The following CAMTA2 variants were observed in gnomAD, a reference collection of about 807,000 sequenced individuals.
CAMTA2 encodes calmodulin-binding transcription activator 2.
CAMTA2 carries 56 observed loss-of-function variants against 135.7 expected under a neutral mutation model. That is an observed-to-expected ratio of 0.41 (90% CI 0.33 to 0.52). The LOEUF (loss-of-function observed/expected upper bound fraction) is 0.52, where lower values mean the gene tolerates loss of function less well. Ranked by LOEUF, CAMTA2 falls within the 20% of genes least tolerant of loss-of-function variation. The pLI, the probability that CAMTA2 is intolerant of heterozygous loss-of-function variation, is 0.16. For missense variants in CAMTA2, 1,358 were observed against 1,553.4 expected (o/e 0.87, Z 2.11); for synonymous variants, 591 against 604.6 (o/e 0.98, Z 0.33).
chr17:4,973,499 G>T, intron 13 of CAMTA2, 86 bp downstream of exon 13: 1 of 1,376,970 alleles, frequency 7.3e-7, no homozygotes, highest in Non-Finnish European at 9.9e-7. Flanking sequence ...CTCTTGGTAG[G>T]GCCCCAGGTC....
chr17:4,979,508 CAAAAAAAA>C (rs5819002), intron 9 of CAMTA2, 168 bp downstream of exon 9: 2 of 203,520 alleles, frequency 9.8e-6, no homozygotes, highest in East Asian at 7.8e-5. Context: ...GAAACTGTCT[CAAAAAAAA>C]AAAAAAAAAA....
chr17:4,987,647 C>CCCA lies in CAMTA2; in HGVS notation c.-120_-119insTGG. 6.6e-7 allele frequency: 1 copy of CCCA among 1,521,464 alleles called. No homozygotes were observed. The highest frequency in any genetic ancestry group is 2.0e-5 in the Admixed American group (1 of 49,690). 94.2% of individuals were successfully genotyped at this position (1,521,464 alleles called of 1,614,324 possible). On this transcript the variant is annotated 5_prime_UTR_variant, in exon 1 of 23. Transcript: ENST00000348066. ...GCGGCCATTCTACCCCACACCGACCCCCCCCAGCGCCGGCTGACAGCGGCG... is the reference window on the plus strand; with the variant it reads ...GCGGCCATTCTACCCCACACCGACCCCCACCCCCAGCGCCGGCTGACAGCGGCG...
In CAMTA2 at chr17:4,972,228, G is replaced by A; in HGVS notation, c.2808+4C>T. 6.2e-7 allele frequency: 1 copy of A among 1,611,890 alleles called. No homozygotes were observed. Among genetic ancestry groups the A allele is most frequent in the Non-Finnish European group, 8.5e-7 (1 of 1,178,486 alleles). On this transcript the variant is annotated splice_donor_region_variant and intron_variant, in intron 16 of 22. Transcript: ENST00000348066. ...CCCCATAACTCCATCAATATAAGCA[G>A]TACCGGGATCACATCCACAGCCTGT...
At position 4,969,944 on chromosome 17, in the gene CAMTA2, A is replaced by G; in HGVS notation, c.3147T>C (p.Tyr1049=). The G allele has an allele frequency of 6.2e-7, 1 of 1,614,194 alleles. No homozygotes were observed. Among genetic ancestry groups the G allele is most frequent in the Non-Finnish European group, 8.5e-7 (1 of 1,180,034 alleles). Residue 1049 remains tyrosine (Y), a synonymous_variant, in exon 18 of 23, where the codon TAT becomes TAC. Transcript: ENST00000348066. This position sits in a 1 kb window ranked among gnomAD's most constrained non-coding sequence, Gnocchi z 5.6. ...CCGTCTGGATGACTCGGGCAGCCTCATACAGTTCCCGCTGCTCGTGATCTG... is the reference window on the plus strand; with the variant it reads ...CCGTCTGGATGACTCGGGCAGCCTCGTACAGTTCCCGCTGCTCGTGATCTG... The part of the protein sequence containing the change: ...TLSDHEQREL[Y]EAARVIQTAF...
intron 1 of CAMTA2, chr17:4,986,610 G>A (rs1973329791): frequency 1.9e-6 from 1 of 514,762 alleles, no homozygotes; most frequent in African/African-American, 2.0e-5. Flanking sequence ...GTTGGGTCAG[G>A]TCCTGGGGGT....
chr17:4,981,554 C>G, intron 7 of CAMTA2, 124 bp downstream of exon 7: 1 of 1,318,880 alleles, frequency 7.6e-7, no homozygotes, highest in African/African-American at 1.5e-5. Flanking sequence ...ACCGGGAATC[C>G]TAGCACCCTC....
At position 4,972,482 on chromosome 17, in the gene CAMTA2, G is replaced by A. The variant is rs1972355596; in HGVS notation, c.2558C>T (p.Thr853Met). ...ATCTGGGGCACTAGAATAGGCTGAC[G>A]TGACGGAAAAGGTGCCATCCGACAG... is the stretch of plus-strand genomic sequence containing the variant. ...SELSDGTFSVTSAYSSAPDGS... is the reference protein window; with the variant it reads ...SELSDGTFSVMSAYSSAPDGS... The change falls in exon 16 of 23, where the codon ACG (threonine) becomes ATG (methionine). Residue 853 changes from threonine (T) to methionine (M), a missense_variant. Thr to Met is a moderately conservative substitution (Grantham distance 81). This residue lies in a region of CAMTA2 where 1,077 missense variants were observed against 1,127.5 expected (regional missense o/e 0.96). Transcript: ENST00000348066. 1.6e-5 allele frequency: 26 copies of A among 1,612,304 alleles called. No individual in the cohort carries two copies. Among genetic ancestry groups the A allele is most frequent in the East Asian group, 2.2e-5 (1 of 44,808 alleles).
intron 12 of CAMTA2, chr17:4,974,112 C>A: frequency 1.9e-6 from 1 of 536,912 alleles, no homozygotes; most frequent in Middle Eastern, 4.9e-4. Context: ...GATCTGAGCC[C>A]CAGTGCTCCT....
intron 3 of CAMTA2, among the ~76,000 whole-genome samples, chr17:4,984,943 G>A (rs897093217): frequency 2.0e-5 from 3 of 152,222 alleles, no homozygotes; most frequent in African/African-American, 7.2e-5. Flanking sequence ...CGTAAACCTG[G>A]GAGGCAGAGC....
At chr17:4,976,160 C>T (rs180867782) in intron 11 of CAMTA2, among the ~76,000 whole-genome samples, 20 of 152,198 alleles carry the variant, frequency 1.3e-4, no homozygotes, top group African/African-American at 4.6e-4. Context: ...CACCCACCAC[C>T]ACGCCTGGCT....
intron 2 of CAMTA2, 22 bp from the exon 3 acceptor site, chr17:4,986,005 G>A (rs1973254358): frequency 3.9e-6 from 6 of 1,545,930 alleles, no homozygotes; most frequent in Non-Finnish European, 5.4e-6. Flanking sequence ...TAGAAGGGAG[G>A]GTTTAGTGTG....
Position 4,973,706 on chromosome 17 carries a change from G to A in CAMTA2, c.2080C>T (p.Arg694Cys), listed in dbSNP as rs200231791. Residue 694 changes from arginine (R) to cysteine (C), a missense_variant, in exon 13 of 23, where the codon CGC (arginine) becomes TGC (cysteine). Around this residue, in one of 4 missense-constraint regions of CAMTA2, gnomAD observed 1,077 missense variants for 1,127.5 expected, o/e 0.96. Transcript: ENST00000348066. Reference protein sequence around the residue: ...VVVLVESMIPRSTWKGPERLA... With the variant: ...VVVLVESMIPCSTWKGPERLA... ...CGTTCAGGACCCTTCCAGGTGGAGC[G>A]TGGGATCATGCTTTCTACCAAGACC... 14 of 1,614,052 alleles carry A rather than the reference G, an allele frequency of 8.7e-6. No individual in the cohort carries two copies. Among genetic ancestry groups the A allele is most frequent in the East Asian group, 4.5e-5 (2 of 44,888 alleles).
In CAMTA2 at chr17:4,986,865, G is replaced by T. The variant is rs1192993153; in HGVS notation, c.-64-579C>A. ...CAGACACCCAGATTCCCACCCTCAG[G>T]ACAACCCACCCTCCGGCTGACAGCC... On this transcript the variant is annotated intron_variant, in intron 1 of 22. Coordinates refer to ENST00000348066, the MANE Select transcript of CAMTA2 (RefSeq NM_015099.4). 6.3e-6 allele frequency: 7 copies of T among 1,103,890 alleles called. No individual in the cohort carries two copies. The Admixed American group carries it at 1.0e-4, about 16-fold the overall frequency. The allele number at this position is 1,103,890 out of a possible 1,614,324, so 68.4% of individuals were successfully genotyped here. A position where few individuals can be genotyped will look rare whatever the true frequency, so the allele number is the denominator to read the frequency against.
chr17:4,978,395 T>C (rs1972749330), intron 10 of CAMTA2, 109 bp downstream of exon 10: 3 of 1,232,144 alleles, frequency 2.4e-6, no homozygotes, highest in Non-Finnish European at 3.4e-6. Context: ...GTCCTTGTGC[T>C]CTCAAAACAA....
intron 1 of CAMTA2, chr17:4,986,632 C>T (rs975749062): frequency 1.2e-5 from 6 of 519,432 alleles, no homozygotes; most frequent in Middle Eastern, 5.0e-4. Flanking sequence ...GGGACTCAGG[C>T]CATCCGGTCC....
chr17:4,968,744 G>A lies in CAMTA2; in HGVS notation c.*12C>T. 2 of 1,614,022 alleles carry A rather than the reference G, an allele frequency of 1.2e-6. No individual in the cohort carries two copies. The highest frequency in any genetic ancestry group is 2.2e-5 in the East Asian group (1 of 44,874). On this transcript the variant is annotated 3_prime_UTR_variant, in exon 23 of 23. Coordinates refer to ENST00000348066, the MANE Select transcript of CAMTA2 (RefSeq NM_015099.4). ...AGGCGCCCCCAGGGTGGTGAGAAAG[G>A]CGGTGGCCAGGTCATGTGGCCAGTC... is the stretch of plus-strand genomic sequence containing the variant.
rs368243300 is a variant in CAMTA2, at chr17:4,973,560, C to T, written c.2201+25G>A. 5 of 1,597,122 alleles carry T rather than the reference C, an allele frequency of 3.1e-6. No homozygotes were observed. The African/African-American group carries it at 5.4e-5, about 17-fold the overall frequency. On this transcript the variant is annotated intron_variant, in intron 13 of 22. Coordinates refer to ENST00000348066, the MANE Select transcript of CAMTA2 (RefSeq NM_015099.4). ...CACTTCTGTCCCAGAGGCTGCCCAGCCCTCACCCAGCTGCCCTTGCTCACC... is the reference window on the plus strand; with the variant it reads ...CACTTCTGTCCCAGAGGCTGCCCAGTCCTCACCCAGCTGCCCTTGCTCACC...
At chr17:4,970,166 C>T (rs1218624873) in intron 17 of CAMTA2, 81 bp from the exon 18 acceptor site, 2 of 1,466,270 alleles carry the variant, frequency 1.4e-6, no homozygotes, top group Non-Finnish European at 1.9e-6. Flanking sequence ...CGAAGGAAAA[C>T]CACCAGCAAC....
rs772437234 is a variant in CAMTA2 at position 4,970,042 on chromosome 17, G to A, written c.3049C>T (p.Pro1017Ser). 5 of 1,614,034 alleles carry A rather than the reference G, an allele frequency of 3.1e-6. No homozygotes were observed. In the African/African-American group the frequency reaches 6.7e-5, roughly 22 times the overall value. ...GCAGAGAGAAACTCTGCCCAGGAGGGTGCTGAAGGGACAGCCAGGCGACCT... is the reference window on the plus strand; with the variant it reads ...GCAGAGAGAAACTCTGCCCAGGAGGATGCTGAAGGGACAGCCAGGCGACCT... ...ERGRLAVPSA[P>S]SWAEFLSAST... The change falls in exon 18 of 23, where the codon CCC (proline) becomes TCC (serine). Residue 1017 changes from proline (P) to serine (S), a missense_variant. By Grantham distance (74) the Pro-to-Ser change is moderately conservative. This residue lies in a region of CAMTA2 where 1,077 missense variants were observed against 1,127.5 expected (regional missense o/e 0.96). Coordinates refer to ENST00000348066, the MANE Select transcript of CAMTA2 (RefSeq NM_015099.4).
Sources: gnomAD v4.1 joint callset for allele counts (sites outside exome capture counted in the v4.1 genomes callset) on GRCh38, gnomAD v4.1.1 for gene constraint, gnomAD v4.1.1 regional missense constraint, Gnocchi (gnomAD v3.1) non-coding constraint, MANE v1.5 for transcripts, NCBI Gene and HGNC (gene_info 2026-07-23, HGNC 2026-07-21) for gene names.